The following IL1RAPL1 variants were observed in gnomAD, a reference collection of about 807,000 sequenced individuals.
IL1RAPL1 encodes interleukin-1 receptor accessory protein-like 1.
A neutral mutation model predicts 48.4 loss-of-function variants in IL1RAPL1; 3 were observed. The observed-to-expected ratio is 0.06, with a 90% CI of 0.03 to 0.16. The LOEUF is 0.16. Ranked by LOEUF, IL1RAPL1 falls within the 10% of genes least tolerant of loss-of-function variation. IL1RAPL1 has a pLI of 1.00. For missense variants in IL1RAPL1, 349 were observed against 530.6 expected, an observed-to-expected ratio of 0.66 and a Z score of 3.36; for synonymous variants, 185 against 187.7, an observed-to-expected ratio of 0.99 and a Z score of 0.12.
intron 1 of IL1RAPL1, among the ~76,000 whole-genome samples, chrX:28,785,359 C>A (rs1387566533): frequency 3.6e-5 from 4 of 111,899 alleles, no homozygotes; most frequent in African/African-American, 1.3e-4. Flanking sequence ...CTCCTGGGCC[C>A]AAATGATCCT....
intron 2 of IL1RAPL1, among the ~76,000 whole-genome samples, chrX:29,165,872 A>T (rs1307691012): frequency 4.5e-5 from 5 of 111,928 alleles, no homozygotes; most frequent in African/African-American, 6.5e-5. Flanking sequence ...CACTTCCTAC[A>T]CACTACTATA....
intron 5 of IL1RAPL1, among the ~76,000 whole-genome samples, chrX:29,456,887 C>G (rs764132614): frequency 4.5e-4 from 50 of 111,640 alleles, no homozygotes; most frequent in African/African-American, 1.6e-3. Flanking sequence ...AATCCCAACA[C>G]TTTGTGAGGC....
At chrX:28,915,816 A>G (rs758455144) in intron 2 of IL1RAPL1, among the ~76,000 whole-genome samples, 5 of 111,388 alleles carry the variant, frequency 4.5e-5, no homozygotes, top group Non-Finnish European at 7.5e-5. Context: ...TGCTCTTGAT[A>G]TATTCCAAAC....
intron 6 of IL1RAPL1, among the ~76,000 whole-genome samples, chrX:29,885,692 A>C (rs1166149717): frequency 9.0e-6 from 1 of 111,096 alleles, no homozygotes; most frequent in Non-Finnish European, 1.9e-5. Flanking sequence ...GGTGGCATGC[A>C]CCCGTAGTCC....
chrX:29,633,476 C>CA (rs1359208822), intron 5 of IL1RAPL1, among the ~76,000 whole-genome samples: 1 of 106,988 alleles, frequency 9.3e-6, no homozygotes, highest in African/African-American at 3.5e-5. Flanking sequence ...TATACACACA[C>CA]ACACACACAC....
chrX:29,726,925 A>G (rs1042898132), intron 6 of IL1RAPL1, among the ~76,000 whole-genome samples: 1 of 112,282 alleles, frequency 8.9e-6, no homozygotes, highest in African/African-American at 3.2e-5. Flanking sequence ...AACTGAAACA[A>G]TGCCTTCATT....
intron 5 of IL1RAPL1, among the ~76,000 whole-genome samples, chrX:29,437,358 A>G (rs984578423): frequency 9.0e-6 from 1 of 110,701 alleles, no homozygotes; most frequent in African/African-American, 3.3e-5. Flanking sequence ...GCAGATAAGG[A>G]CAGTTTTATT....
intron 2 of IL1RAPL1, among the ~76,000 whole-genome samples, chrX:29,124,373 C>T (rs778604960): frequency 8.9e-6 from 1 of 111,805 alleles, no homozygotes; most frequent in Non-Finnish European, 1.9e-5. Flanking sequence ...TAATTATCGT[C>T]GGAAATTATT....
At position 29,285,486 on chromosome X, in the gene IL1RAPL1, C is replaced by T. The variant is rs73460476; in HGVS notation, c.362+2269C>T. Among the ~76,000 whole-genome samples, 409 of 82,555 alleles carry T rather than the reference C, an allele frequency of 5.0e-3. 4 individuals are homozygous for T. Among genetic ancestry groups the T allele is most frequent in the African/African-American group, 0.018 (372 of 20,769 alleles). The allele number at this position is 82,555 out of a possible 115,157, so 71.7% of individuals were successfully genotyped here. The stretch of plus-strand genomic sequence containing the variant: ...GGCAGAGGTTGCAGTGAGCCGAGAT[C>T]GCGCCATTGCACTGGCAACAAGAGC... On this transcript the variant is annotated intron_variant, in intron 3 of 10. Transcript: ENST00000378993.
chrX:28,962,157 G>A (rs897936410), intron 2 of IL1RAPL1, among the ~76,000 whole-genome samples: 1 of 111,705 alleles, frequency 9.0e-6, no homozygotes, highest in African/African-American at 3.3e-5. Flanking sequence ...TATGAGACCT[G>A]TCTTCTTTGG....
At chrX:29,827,822 G>A (rs749685367) in intron 6 of IL1RAPL1, among the ~76,000 whole-genome samples, 6 of 112,409 alleles carry the variant, frequency 5.3e-5, no homozygotes, top group Non-Finnish European at 9.4e-5. Flanking sequence ...GGTAGTATAT[G>A]TAAAGCATTT....
chrX:28,683,165 T>C, intron 1 of IL1RAPL1, among the ~76,000 whole-genome samples: 1 of 111,535 alleles, frequency 9.0e-6, no homozygotes, highest in Non-Finnish European at 1.9e-5. Flanking sequence ...TTTTGAGACC[T>C]GCAAGATAGA....
At chrX:29,881,102 G>A (rs1932020591) in intron 6 of IL1RAPL1, among the ~76,000 whole-genome samples, 1 of 110,915 alleles carries the variant, frequency 9.0e-6, no homozygotes, top group African/African-American at 3.3e-5. Context: ...TTTCACAGAT[G>A]GTGATACTCT....
At chrX:29,339,228 T>A (rs1293272365) in intron 3 of IL1RAPL1, among the ~76,000 whole-genome samples, 2 of 111,826 alleles carry the variant, frequency 1.8e-5, no homozygotes, top group Non-Finnish European at 3.8e-5. Flanking sequence ...GGCAGATCAT[T>A]TTCACTCCTG....
intron 6 of IL1RAPL1, among the ~76,000 whole-genome samples, chrX:29,837,591 T>C (rs765912801): frequency 2.7e-5 from 3 of 111,413 alleles, no homozygotes; most frequent in African/African-American, 9.8e-5. Flanking sequence ...TCTACTTGCA[T>C]CTGAACTAGA....
chrX:29,317,069 G>A (rs951788824), intron 3 of IL1RAPL1, among the ~76,000 whole-genome samples: 1 of 111,141 alleles, frequency 9.0e-6, no homozygotes, highest in Non-Finnish European at 1.9e-5. Context: ...GACGGGCTAA[G>A]GATTTTATTT....
intron 5 of IL1RAPL1, among the ~76,000 whole-genome samples, chrX:29,438,521 T>C (rs1250411283): frequency 9.0e-6 from 1 of 111,173 alleles, no homozygotes; most frequent in Non-Finnish European, 1.9e-5. Flanking sequence ...CATTTAGTAC[T>C]GTAAAATTTT....
chrX:29,143,584 A>G (rs1027534191), intron 2 of IL1RAPL1, among the ~76,000 whole-genome samples: 1 of 111,744 alleles, frequency 8.9e-6, no homozygotes, highest in African/African-American at 3.3e-5. Context: ...TCCATGTTGT[A>G]TATGCTACCC....
chrX:28,844,282 G>A (rs769947111), intron 2 of IL1RAPL1, among the ~76,000 whole-genome samples: 1 of 105,129 alleles, frequency 9.5e-6, no homozygotes, highest in African/African-American at 3.4e-5. Context: ...AATTTGGTGG[G>A]GGTTTACGTT....
Sources: allele counts gnomAD v4.1 joint callset (sites outside exome capture counted in the v4.1 genomes callset), GRCh38; gene constraint gnomAD v4.1.1; transcripts MANE v1.5; gene names NCBI Gene and HGNC (gene_info 2026-07-23, HGNC 2026-07-21).